Variants in TNR observed in about 807,000 individuals in gnomAD.
The protein encoded by TNR is tenascin-R.
A neutral mutation model predicts 150.4 loss-of-function variants in TNR; 45 were observed. The observed-to-expected ratio is 0.30, with a 90% CI of 0.24 to 0.38. The LOEUF is 0.38. Ranked by LOEUF, TNR falls within the 10% of genes least tolerant of loss-of-function variation. The pLI, the probability that TNR is intolerant of heterozygous loss-of-function variation, is 1.00. For synonymous variants in TNR, 687 were observed against 678.4 expected (o/e 1.01, Z -0.20); for missense variants, 1,544 against 1,759.1 (o/e 0.88, Z 2.19).
chr1:175,682,695 C>T (rs946748258), intron 1 of TNR, among the ~76,000 whole-genome samples: 3 of 152,122 alleles, frequency 2.0e-5, no homozygotes, highest in Admixed American at 6.5e-5. Flanking sequence ...GTTCTGCTCC[C>T]TTCCTGCCTC....
chr1:175,650,428 G>C (rs73033377), intron 1 of TNR, among the ~76,000 whole-genome samples: 2,122 of 151,960 alleles, frequency 0.014, 49 homozygotes, highest in African/African-American at 0.049. Flanking sequence ...AGAATAGTTT[G>C]GATTATTGAG....
chr1:175,608,190 T>C (rs1219939028), intron 1 of TNR, among the ~76,000 whole-genome samples: 3 of 152,226 alleles, frequency 2.0e-5, no homozygotes, highest in Non-Finnish European at 4.4e-5. Context: ...AAATTTCTGG[T>C]AATACACATT....
At chr1:175,479,604 G>T (rs1048890558) in intron 2 of TNR, among the ~76,000 whole-genome samples, 1 of 152,136 alleles carries the variant, frequency 6.6e-6, no homozygotes, top group Admixed American at 6.5e-5. Flanking sequence ...GAACGTGGCA[G>T]CCAGAGTTCT....
intron 1 of TNR, among the ~76,000 whole-genome samples, chr1:175,633,534 C>T (rs1664399058): frequency 6.6e-6 from 1 of 152,118 alleles, no homozygotes. Flanking sequence ...AAATGGCTTT[C>T]AAGGTGGCAT....
At chr1:175,364,008 T>A (rs1424160567) in intron 12 of TNR, among the ~76,000 whole-genome samples, 181 bp from the exon 13 acceptor site, 2 of 152,230 alleles carry the variant, frequency 1.3e-5, no homozygotes, top group Admixed American at 6.5e-5. Context: ...ACCTTGTAGG[T>A]ATGACCAAAG....
chr1:175,354,623 A>C (rs1651232334), intron 17 of TNR, 100 bp from the exon 18 acceptor site: 23 of 1,499,002 alleles, frequency 1.5e-5, no homozygotes, highest in Non-Finnish European at 2.0e-5. Context: ...CAGCTAGGTC[A>C]GTATTGCAAT....
At chr1:175,432,301 T>C (rs1027116673) in intron 2 of TNR, among the ~76,000 whole-genome samples, 3 of 152,148 alleles carry the variant, frequency 2.0e-5, no homozygotes, top group African/African-American at 4.8e-5. Context: ...ACTGGTCCCA[T>C]TTTCTAGGCA....
chr1:175,706,748 A>G (rs1214178997), intron 1 of TNR, among the ~76,000 whole-genome samples: 2 of 152,112 alleles, frequency 1.3e-5, no homozygotes, highest in African/African-American at 2.4e-5. Context: ...TGCAGGTAAA[A>G]TCTAATTCCC....
chr1:175,393,718 C>A, intron 6 of TNR, 62 bp downstream of exon 6: 1 of 1,387,796 alleles, frequency 7.2e-7, no homozygotes, highest in South Asian at 1.2e-5. Flanking sequence ...GCCCCTGATT[C>A]CAAGCTAAAG....
intron 2 of TNR, among the ~76,000 whole-genome samples, chr1:175,416,583 T>C (rs570482176): frequency 6.6e-6 from 1 of 152,338 alleles, no homozygotes; most frequent in Non-Finnish European, 1.5e-5. Context: ...TTCATCTTTT[T>C]CTTCTCTACA....
intron 9 of TNR, among the ~76,000 whole-genome samples, chr1:175,367,987 A>C (rs950745036): frequency 2.0e-5 from 3 of 152,204 alleles, no homozygotes; most frequent in Non-Finnish European, 4.4e-5. Flanking sequence ...GTCCCACTAA[A>C]GGGTGTAAGC....
intron 2 of TNR, among the ~76,000 whole-genome samples, chr1:175,516,863 G>A (rs951527613): frequency 6.6e-6 from 1 of 152,100 alleles, no homozygotes; most frequent in South Asian, 2.1e-4. Context: ...GTTGATAGAA[G>A]AATAAACATG....
At chr1:175,422,905 G>A (rs1409827629) in intron 2 of TNR, among the ~76,000 whole-genome samples, 1 of 152,192 alleles carries the variant, frequency 6.6e-6, no homozygotes, top group Non-Finnish European at 1.5e-5. Context: ...GGTTGGCTGT[G>A]AGCTAGGTCA....
At position 175,337,555 on chromosome 1, in the gene TNR, A is replaced by G; in HGVS notation, c.3507T>C (p.Asp1169=). Residue 1169 remains aspartate, a synonymous_variant, in exon 19 of 23, where the codon GAT becomes GAC. Coordinates refer to ENST00000367674, the MANE Select transcript of TNR (RefSeq NM_003285.3). ...ELSQKLQVYC[D]MTTDGGGWIV... ...TCCAGCCGCCCCCGTCGGTGGTCAT[A>G]TCACAGTACACTTGTAATTTCTGGC... 1 of 1,613,722 alleles carries G rather than the reference A, an allele frequency of 6.2e-7. No individual in the cohort carries two copies. Among genetic ancestry groups the G allele is most frequent in the African/African-American group, 1.3e-5 (1 of 75,002 alleles).
At chr1:175,631,346 C>T (rs1664320267) in intron 1 of TNR, among the ~76,000 whole-genome samples, 1 of 152,206 alleles carries the variant, frequency 6.6e-6, no homozygotes, top group African/African-American at 2.4e-5. Flanking sequence ...TGTTATATAG[C>T]TATTTAAAAA....
At chr1:175,735,551 A>C (rs1667749478) in intron 1 of TNR, among the ~76,000 whole-genome samples, 1 of 152,366 alleles carries the variant, frequency 6.6e-6, no homozygotes, top group African/African-American at 2.4e-5. Flanking sequence ...TTCACGAAGC[A>C]GGCAGCAGCT....
chr1:175,455,396 A>C (rs1448510093), intron 2 of TNR, among the ~76,000 whole-genome samples: 3 of 152,236 alleles, frequency 2.0e-5, no homozygotes, highest in Non-Finnish European at 4.4e-5. Flanking sequence ...GAAAAACGAA[A>C]AACCTTACAA....
intron 1 of TNR, among the ~76,000 whole-genome samples, chr1:175,701,818 C>G (rs555348738): frequency 1.3e-5 from 2 of 152,298 alleles, no homozygotes; most frequent in South Asian, 4.1e-4. Flanking sequence ...CCCAGCCAGA[C>G]CTACTGAGTC....
intron 2 of TNR, among the ~76,000 whole-genome samples, chr1:175,448,832 G>A (rs1656180533): frequency 6.6e-6 from 1 of 152,240 alleles, no homozygotes; most frequent in Admixed American, 6.5e-5. Flanking sequence ...GGGGAGCACA[G>A]GGAGGGAGTG....
Sources: gnomAD v4.1 joint callset for allele counts (sites outside exome capture counted in the v4.1 genomes callset) on GRCh38, gnomAD v4.1.1 for gene constraint, MANE v1.5 for transcripts, NCBI Gene and HGNC (gene_info 2026-07-23, HGNC 2026-07-21) for gene names.